The following DYNC2I1 variants were observed in gnomAD, a reference collection of about 807,000 sequenced individuals.
DYNC2I1 encodes the protein dynein 2 intermediate chain 1.
DYNC2I1 carries 89 observed loss-of-function variants against 133.4 expected under a neutral mutation model. That is an observed-to-expected ratio of 0.67 (90% CI 0.56 to 0.80). The LOEUF (loss-of-function observed/expected upper bound fraction) is 0.80. Ranked by LOEUF, DYNC2I1 falls within the 30% of genes least tolerant of loss-of-function variation. DYNC2I1 has a pLI of 0.00. For missense variants in DYNC2I1, 1,291 were observed against 1,314.5 expected, an observed-to-expected ratio of 0.98 and a Z score of 0.28; for synonymous variants, 504 against 484.3, an observed-to-expected ratio of 1.04 and a Z score of -0.54.
the DYNC2I1 span, among the ~76,000 whole-genome samples, chr7:158,851,322 C>T: frequency 9.2e-5 from 14 of 152,080 alleles, no homozygotes; most frequent in African/African-American, 3.4e-4. Context: ...TGCTTGAGCT[C>T]AGGAGTTCAA....
At chr7:158,871,115 G>T (rs368263052) in intron 2 of DYNC2I1, 27 bp from the exon 3 acceptor site, 3 of 1,589,960 alleles carry the variant, frequency 1.9e-6, no homozygotes, top group Non-Finnish European at 2.6e-6. Flanking sequence ...TCCTGGTCAC[G>T]GAGGACCCTT....
intron 1 of DYNC2I1, among the ~76,000 whole-genome samples, chr7:158,857,113 G>A (rs1841338509): frequency 6.6e-6 from 1 of 152,208 alleles, no homozygotes; most frequent in African/African-American, 2.4e-5. Context: ...AATTTTAGCT[G>A]ACTTAAGTTT....
intron 4 of DYNC2I1, among the ~76,000 whole-genome samples, chr7:158,954,387 G>A (rs1852145893): frequency 6.6e-6 from 1 of 152,188 alleles, no homozygotes. Context: ...GCTCACACCT[G>A]TAATCTCAGC....
At chr7:158,876,833 G>A in intron 4 of DYNC2I1, 142 bp downstream of exon 4, 1 of 1,097,924 alleles carries the variant, frequency 9.1e-7, no homozygotes. Context: ...ACTGTGTATA[G>A]TCAGTTTCTT....
At chr7:158,890,817 G>A (rs1007107470) in intron 7 of DYNC2I1, among the ~76,000 whole-genome samples, 2 of 151,962 alleles carry the variant, frequency 1.3e-5, no homozygotes, top group African/African-American at 4.8e-5. Flanking sequence ...CAGGTGATCC[G>A]CCCGCCTCGG....
In DYNC2I1 at chr7:158,929,555, G is replaced by A. The variant is rs3793185; in HGVS notation, c.2486-900G>A. On this transcript the variant is annotated intron_variant, in intron 20 of 24. Transcript: ENST00000407559. ...TGGGAGCCGAGACGCCAGGTGGGGG[G>A]CATGCCGGGAAGCTTCACATTTGTG... Among the ~76,000 whole-genome samples, 18 of 152,364 alleles carry A rather than the reference G, an allele frequency of 1.2e-4. No individual in the cohort carries two copies. In the East Asian group the frequency reaches 3.5e-3, roughly 29 times the overall value.
In DYNC2I1 at chr7:158,945,980, C is replaced by A; in HGVS notation, c.*201C>A. ...TGAGTGGAAACAAAGAACATTCTAG[C>A]ATTTACAAAACTTCCAGGGGAATGT... On this transcript the variant is annotated 3_prime_UTR_variant, in exon 25 of 25. Transcript: ENST00000407559. The surrounding 1 kb of genome is among the most constrained non-coding windows in gnomAD (Gnocchi z 4.1). 1.9e-6 allele frequency: 1 copy of A among 521,330 alleles called. No homozygotes were observed. The highest frequency in any genetic ancestry group is 3.0e-6 in the Non-Finnish European group (1 of 334,134). 32.3% of individuals were successfully genotyped at this position (521,330 alleles called of 1,614,324 possible).
chr7:158,873,781 G>A (rs1362637963), intron 3 of DYNC2I1, among the ~76,000 whole-genome samples: 1 of 152,104 alleles, frequency 6.6e-6, no homozygotes. Context: ...TTTGGAGATA[G>A]AGTCTCACTC....
downstream of DYNC2I1, among the ~76,000 whole-genome samples, chr7:158,948,284 G>T (rs966613045): frequency 6.6e-6 from 1 of 152,228 alleles, no homozygotes; most frequent in Non-Finnish European, 1.5e-5. Context: ...TCCACACGGG[G>T]GTCTCCAAGC....
chr7:158,841,164 T>C, the DYNC2I1 span, among the ~76,000 whole-genome samples: 1 of 412 alleles, frequency 2.4e-3, no homozygotes, highest in Non-Finnish European at 6.4e-3. Flanking sequence ...TGCAAATATA[T>C]ATATATATAT....
At chr7:158,858,740 T>G (rs1026840861) in intron 1 of DYNC2I1, among the ~76,000 whole-genome samples, 1 of 151,886 alleles carries the variant, frequency 6.6e-6, no homozygotes, top group African/African-American at 2.4e-5. Flanking sequence ...TTAGGCCTAC[T>G]GTTTCTTGGA....
chr7:158,857,615 G>A (rs867636302), intron 1 of DYNC2I1, among the ~76,000 whole-genome samples: 1 of 138,026 alleles, frequency 7.2e-6, no homozygotes, highest in Non-Finnish European at 1.5e-5. Flanking sequence ...TTGGCTTACT[G>A]CAACCTCCGA....
At chr7:158,850,428 G>A in the DYNC2I1 span, among the ~76,000 whole-genome samples, 1 of 152,240 alleles carries the variant, frequency 6.6e-6, no homozygotes, top group East Asian at 1.9e-4. Context: ...GGAACACCCA[G>A]GGAGCTCCCG....
chr7:158,882,875 C>CAAAA (rs71200076), intron 5 of DYNC2I1, among the ~76,000 whole-genome samples: 2 of 108,550 alleles, frequency 1.8e-5, no homozygotes, highest in Admixed American at 9.5e-5. Flanking sequence ...GCCTTTGTCT[C>CAAAA]AAAAAAAAAA....
At chr7:158,900,003 T>TTATAA in intron 8 of DYNC2I1, among the ~76,000 whole-genome samples, 1 of 152,332 alleles carries the variant, frequency 6.6e-6, no homozygotes, top group African/African-American at 2.4e-5. Context: ...GAAGCATAAT[T>TTATAA]TTATAGAGTA....
intron 1 of DYNC2I1, among the ~76,000 whole-genome samples, chr7:158,861,879 G>T (rs1841895755): frequency 6.6e-6 from 1 of 152,172 alleles, no homozygotes; most frequent in African/African-American, 2.4e-5. Flanking sequence ...ACCAGGGAGC[G>T]TCAGTTACAC....
intron 11 of DYNC2I1, among the ~76,000 whole-genome samples, chr7:158,911,099 G>A (rs1379297790): frequency 6.6e-6 from 1 of 152,214 alleles, no homozygotes; most frequent in Non-Finnish European, 1.5e-5. Context: ...GAAGCACAGA[G>A]GTTGGCTGTG....
At chr7:158,944,035 G>A (rs775947366) in intron 24 of DYNC2I1, among the ~76,000 whole-genome samples, 7 of 152,184 alleles carry the variant, frequency 4.6e-5, no homozygotes, top group Admixed American at 1.3e-4. Context: ...CTTTTCTCTG[G>A]TTAGACAGAG....
chr7:158,942,834 C>T (rs1851508410), intron 24 of DYNC2I1, among the ~76,000 whole-genome samples: 1 of 152,206 alleles, frequency 6.6e-6, no homozygotes, highest in African/African-American at 2.4e-5. Context: ...GCGTGCATGT[C>T]AGTTCACGTG....
Sources: allele counts gnomAD v4.1 joint callset (sites outside exome capture counted in the v4.1 genomes callset), GRCh38; gene constraint gnomAD v4.1.1; non-coding constraint Gnocchi (gnomAD v3.1); transcripts MANE v1.5; gene names NCBI Gene and HGNC (gene_info 2026-07-23, HGNC 2026-07-21).